The following DDX10 variants were observed in gnomAD, a reference collection of about 807,000 sequenced individuals.
DDX10 encodes the protein DEAD-box helicase 10, also known as probable ATP-dependent RNA helicase DDX10.
DDX10 carries 74 observed loss-of-function variants against 104.3 expected under a neutral mutation model. The ratio of observed to expected loss-of-function variants is 0.71; its 90% CI spans 0.59 to 0.86. DDX10 has a LOEUF of 0.86. Ranked by LOEUF, DDX10 falls within the 40% of genes least tolerant of loss-of-function variation. DDX10 has a pLI of 0.00. For missense variants in DDX10, 952 were observed against 1,040.0 expected (o/e 0.92, Z 1.16); for synonymous variants, 351 against 353.4 (o/e 0.99, Z 0.08).
At chr11:108,737,694 G>A (rs1417303893) in intron 13 of DDX10, among the ~76,000 whole-genome samples, 8 of 152,138 alleles carry the variant, frequency 5.3e-5, no homozygotes, top group South Asian at 2.1e-4. Context: ...TATTTTCAGC[G>A]ATGATCTGTC....
At chr11:108,912,734 A>G (rs1863696536) in intron 16 of DDX10, among the ~76,000 whole-genome samples, 4 of 152,224 alleles carry the variant, frequency 2.6e-5, no homozygotes. Flanking sequence ...GAGAAAGGAC[A>G]GACAAGAACT....
intron 16 of DDX10, among the ~76,000 whole-genome samples, chr11:108,874,438 T>C (rs1429701621): frequency 2.0e-5 from 3 of 152,230 alleles, no homozygotes; most frequent in Non-Finnish European, 4.4e-5. Context: ...ATTCTGTTGA[T>C]TACTCTACAT....
At chr11:108,873,230 G>T (rs1565305143) in intron 16 of DDX10, among the ~76,000 whole-genome samples, 8 of 152,098 alleles carry the variant, frequency 5.3e-5, no homozygotes, top group African/African-American at 1.2e-4. Flanking sequence ...GTTTTTCCAG[G>T]TGGGTAGACA....
intron 13 of DDX10, among the ~76,000 whole-genome samples, chr11:108,779,962 A>G (rs2094375964): frequency 2.0e-5 from 3 of 152,210 alleles, no homozygotes; most frequent in Admixed American, 2.0e-4. Context: ...ATGCTACTTA[A>G]CTGTCCGTGA....
At chr11:108,770,629 G>T (rs2094361932) in intron 13 of DDX10, among the ~76,000 whole-genome samples, 1 of 151,792 alleles carries the variant, frequency 6.6e-6, no homozygotes, top group South Asian at 2.1e-4. Flanking sequence ...TTGTCTTTCT[G>T]TGCCTGGCTT....
intron 17 of DDX10, chr11:108,919,723 C>T (rs1863799069): frequency 6.6e-6 from 1 of 152,198 alleles, no homozygotes; most frequent in African/African-American, 2.4e-5. Flanking sequence ...AGGATGTCAG[C>T]AGTCCTTCTG....
intron 17 of DDX10, chr11:108,920,832 A>G (rs1419083916): frequency 6.6e-6 from 1 of 152,258 alleles, no homozygotes; most frequent in African/African-American, 2.4e-5. Context: ...GCTGCTTAAC[A>G]TCATCCTTGG....
intron 9 of DDX10, among the ~76,000 whole-genome samples, chr11:108,698,435 C>T (rs1029186659): frequency 2.0e-5 from 3 of 152,162 alleles, no homozygotes; most frequent in Admixed American, 6.5e-5. Flanking sequence ...TGCTTCTTTA[C>T]GTGACCTGCT....
At position 108,689,397 on chromosome 11, in the gene DDX10, T is replaced by C. The variant is rs559593703; in HGVS notation, c.975+335T>C. ...CCCTCCAAGAATATGGGAATGAATA[T>C]ACCATTTATTTCCATGCCGTATATC... On this transcript the variant is annotated intron_variant, in intron 7 of 17. Transcript: ENST00000322536. Among the ~76,000 whole-genome samples the C allele has an allele frequency of 7.2e-5, 11 of 152,342 alleles. No homozygotes were observed. The South Asian group carries it at 2.3e-3, about 32-fold the overall frequency.
At chr11:108,817,402 T>G (rs537783267) in intron 13 of DDX10, among the ~76,000 whole-genome samples, 2 of 152,242 alleles carry the variant, frequency 1.3e-5, no homozygotes, top group Non-Finnish European at 1.5e-5. Context: ...TATAACTCTT[T>G]ATGTAGATCA....
chr11:108,885,963 A>C (rs1863291601), intron 16 of DDX10, among the ~76,000 whole-genome samples: 1 of 152,214 alleles, frequency 6.6e-6, no homozygotes. Context: ...TTTACTGGGA[A>C]ACTGAGACTT....
chr11:108,685,237 C>T (rs907100266), intron 6 of DDX10, among the ~76,000 whole-genome samples: 13 of 151,402 alleles, frequency 8.6e-5, no homozygotes, highest in Admixed American at 2.0e-4. Flanking sequence ...TCTCGTGGTG[C>T]GCCGTTTCTT....
At chr11:108,806,247 G>A (rs1417854651) in intron 13 of DDX10, among the ~76,000 whole-genome samples, 1 of 152,182 alleles carries the variant, frequency 6.6e-6, no homozygotes, top group Non-Finnish European at 1.5e-5. Flanking sequence ...ATAGGCGTGA[G>A]CCACCGTGCC....
chr11:108,809,907 CA>C (rs1475120263), intron 13 of DDX10, among the ~76,000 whole-genome samples: 1 of 152,090 alleles, frequency 6.6e-6, no homozygotes, highest in East Asian at 1.9e-4. Flanking sequence ...TTTTATACAC[CA>C]ATAATGAACT....
At chr11:108,755,917 T>A (rs759030793) in intron 13 of DDX10, among the ~76,000 whole-genome samples, 2 of 151,912 alleles carry the variant, frequency 1.3e-5, no homozygotes, top group Non-Finnish European at 2.9e-5. Context: ...ATATTAGGTG[T>A]TATAACTTGA....
At chr11:108,821,409 AGTT>A (rs1197322503) in intron 13 of DDX10, among the ~76,000 whole-genome samples, 1 of 152,192 alleles carries the variant, frequency 6.6e-6, no homozygotes, top group Non-Finnish European at 1.5e-5. Flanking sequence ...ATTGTTTTAC[AGTT>A]GTTTTTAGTG....
At chr11:108,761,313 T>C (rs536906388) in intron 13 of DDX10, among the ~76,000 whole-genome samples, 1 of 152,120 alleles carries the variant, frequency 6.6e-6, no homozygotes, top group Non-Finnish European at 1.5e-5. Context: ...TAATATTACT[T>C]GTGTTTTTCC....
intron 13 of DDX10, chr11:108,767,831 C>T (rs942545369): frequency 3.9e-5 from 6 of 152,190 alleles, no homozygotes; most frequent in African/African-American, 1.4e-4. Flanking sequence ...ATAAAAGTAA[C>T]CCCAAGTGTG....
chr11:108,712,331 G>A (rs1490502514), intron 10 of DDX10, among the ~76,000 whole-genome samples: 4 of 152,106 alleles, frequency 2.6e-5, no homozygotes, highest in African/African-American at 7.2e-5. Flanking sequence ...AATATCTAAT[G>A]TATTCGTTAC....
Sources: gnomAD v4.1 joint callset for allele counts (sites outside exome capture counted in the v4.1 genomes callset) on GRCh38, gnomAD v4.1.1 for gene constraint, MANE v1.5 for transcripts, NCBI Gene and HGNC (gene_info 2026-07-23, HGNC 2026-07-21) for gene names.